Variants in RGS6 observed in about 807,000 individuals in gnomAD.
The protein encoded by RGS6 is regulator of G protein signaling 6, also known as regulator of G-protein signaling 6.
RGS6 carries 30 observed loss-of-function variants against 78.5 expected under a neutral mutation model. The ratio of observed to expected loss-of-function variants is 0.38; its 90% confidence interval spans 0.29 to 0.52. The LOEUF (loss-of-function observed/expected upper bound fraction) is 0.52. Among genes scored for constraint, RGS6 ranks in the 20% least tolerant of loss-of-function variants. The pLI, the probability that RGS6 is intolerant of heterozygous loss-of-function variation, is 0.85. For missense variants in RGS6, 495 were observed against 609.7 expected, an observed-to-expected ratio of 0.81 and a Z score of 1.98; for synonymous variants, 206 against 206.0, an observed-to-expected ratio of 1.00 and a Z score of 0.00.
chr14:72,555,715 T>TTGAG (rs2097565109), intron 17 of RGS6, among the ~76,000 whole-genome samples: 2 of 152,238 alleles, frequency 1.3e-5, no homozygotes, highest in Admixed American at 6.5e-5. Context: ...CAAACTCCGT[T>TTGAG]TGAGTCTGTT....
intron 2 of RGS6, among the ~76,000 whole-genome samples, chr14:72,154,192 G>A (rs190846650): frequency 5.9e-5 from 9 of 152,132 alleles, no homozygotes; most frequent in South Asian, 2.1e-4. Flanking sequence ...GCCTGACCCC[G>A]CAGGCAGTCA....
the RGS6 span, among the ~76,000 whole-genome samples, chr14:72,611,346 C>T: frequency 6.6e-6 from 1 of 152,240 alleles, no homozygotes; most frequent in East Asian, 1.9e-4. Context: ...CAGCACGAAG[C>T]TAGGATCTGA....
chr14:72,478,301 T>G lies in RGS6; in HGVS notation c.826T>G (p.Cys276Gly). Residue 276 changes from cysteine to glycine, a missense_variant, in exon 12 of 18, where the codon TGT (cysteine) becomes GGT (glycine). Cys to Gly is a radical substitution (Grantham distance 159). Transcript: ENST00000553525. ...TFLNAQIDRH[C>G]LKMSKVAESL... is the part of the protein sequence containing the mutation. ...TTTGAACGCACAGATCGACAGACAT[T>G]GTTTGAAAATGTCCAAAGTGGCTGA... 6.2e-7 allele frequency: 1 copy of G among 1,612,618 alleles called. No homozygotes were observed. The highest frequency in any genetic ancestry group is 8.5e-7 in the Non-Finnish European group (1 of 1,178,736).
intron 2 of RGS6, among the ~76,000 whole-genome samples, chr14:72,118,961 C>T (rs2095978520): frequency 6.6e-6 from 1 of 152,048 alleles, no homozygotes; most frequent in Non-Finnish European, 1.5e-5. Flanking sequence ...TGGAATCTTC[C>T]AAAAGACATT....
intron 2 of RGS6, among the ~76,000 whole-genome samples, chr14:72,268,541 G>T (rs1317786323): frequency 6.6e-6 from 1 of 152,174 alleles, no homozygotes; most frequent in African/African-American, 2.4e-5. Flanking sequence ...ATGTTAAAGA[G>T]CCTGCATGGA....
intron 17 of RGS6, among the ~76,000 whole-genome samples, chr14:72,545,381 A>G (rs879729891): frequency 6.6e-5 from 10 of 152,218 alleles, no homozygotes; most frequent in Non-Finnish European, 1.2e-4. Flanking sequence ...GAGACACCTC[A>G]GCAGCCCTCC....
intron 2 of RGS6, among the ~76,000 whole-genome samples, chr14:72,276,859 T>C (rs942805622): frequency 2.6e-5 from 4 of 151,106 alleles, no homozygotes; most frequent in African/African-American, 9.9e-5. Context: ...AAGAGACTAA[T>C]ACAATATTGA....
At chr14:72,359,134 C>A (rs921665714) in intron 3 of RGS6, among the ~76,000 whole-genome samples, 1 of 152,174 alleles carries the variant, frequency 6.6e-6, no homozygotes, top group Non-Finnish European at 1.5e-5. Context: ...GAGGCCTTTC[C>A]AGCCATGCTG....
chr14:72,356,683 C>G (rs896175618), intron 3 of RGS6, among the ~76,000 whole-genome samples: 5 of 152,200 alleles, frequency 3.3e-5, no homozygotes, highest in African/African-American at 1.2e-4. Flanking sequence ...GCAGTTACCT[C>G]TATGCTGTTC....
the RGS6 span, among the ~76,000 whole-genome samples, chr14:71,921,938 GC>G: frequency 6.6e-6 from 1 of 152,162 alleles, no homozygotes; most frequent in African/African-American, 2.4e-5. Context: ...ATTCTCCCAA[GC>G]TTTTTCACCC....
intron 2 of RGS6, among the ~76,000 whole-genome samples, chr14:72,291,394 A>T (rs867135669): frequency 1.3e-5 from 2 of 152,108 alleles, no homozygotes; most frequent in Non-Finnish European, 2.9e-5. Flanking sequence ...CAGGAAGACT[A>T]CATTATTCTT....
chr14:71,952,718 C>T (rs17093752), intron 1 of RGS6, among the ~76,000 whole-genome samples: 82,637 of 151,814 alleles, frequency 0.54, 22,744 homozygotes, highest in African/African-American at 0.59. Flanking sequence ...ACCATTGCTG[C>T]TACAAATGGA....
intron 2 of RGS6, among the ~76,000 whole-genome samples, chr14:72,138,459 T>G (rs939780488): frequency 1.3e-5 from 2 of 149,964 alleles, no homozygotes; most frequent in Non-Finnish European, 3.0e-5. Context: ...GTTTTTTTTT[T>G]TTTTTTTTTT....
intron 3 of RGS6, among the ~76,000 whole-genome samples, chr14:72,374,151 A>T (rs1478629431): frequency 6.6e-6 from 1 of 152,162 alleles, no homozygotes; most frequent in Non-Finnish European, 1.5e-5. Context: ...CAGGTTTGTT[A>T]CATATGTATA....
downstream of RGS6, among the ~76,000 whole-genome samples, chr14:72,568,271 TG>T (rs150964707): frequency 0.036 from 5,541 of 152,252 alleles, 293 homozygotes; most frequent in African/African-American, 0.12. Flanking sequence ...AATCTTCGGG[TG>T]GCTGTGAATT....
intron 3 of RGS6, among the ~76,000 whole-genome samples, chr14:72,352,711 C>G (rs2079361733): frequency 6.6e-6 from 1 of 151,948 alleles, no homozygotes; most frequent in Non-Finnish European, 1.5e-5. Context: ...ATGGGTAGTT[C>G]AAAAATAATA....
At chr14:72,262,895 C>T (rs1238553786) in intron 2 of RGS6, among the ~76,000 whole-genome samples, 2 of 152,074 alleles carry the variant, frequency 1.3e-5, no homozygotes, top group East Asian at 3.9e-4. Context: ...CCCATGTTGG[C>T]CCCTCCTCAG....
chr14:72,556,671 A>T, intron 17 of RGS6, among the ~76,000 whole-genome samples: 1 of 54,994 alleles, frequency 1.8e-5, no homozygotes, highest in East Asian at 5.5e-4. Flanking sequence ...TGTACATGAG[A>T]AGGTAGGGGT....
intron 2 of RGS6, among the ~76,000 whole-genome samples, chr14:72,219,504 C>T (rs1418342443): frequency 6.6e-6 from 1 of 152,160 alleles, no homozygotes; most frequent in Non-Finnish European, 1.5e-5. Flanking sequence ...TAATTTATTA[C>T]ACATTTAAAT....
Sources: gnomAD v4.1 joint callset for allele counts (sites outside exome capture counted in the v4.1 genomes callset) on GRCh38, gnomAD v4.1.1 for gene constraint, MANE v1.5 for transcripts, NCBI Gene and HGNC (gene_info 2026-07-23, HGNC 2026-07-21) for gene names.